The following MTRR variants were observed in gnomAD, a reference collection of about 807,000 sequenced individuals.
MTRR encodes the protein 5-methyltetrahydrofolate-homocysteine methyltransferase reductase.
MTRR carries 63 observed loss-of-function variants against 79.2 expected under a neutral mutation model. That is an observed-to-expected ratio of 0.80 (90% CI 0.65 to 0.98). The LOEUF (loss-of-function observed/expected upper bound fraction) is 0.98, where lower values mean the gene tolerates loss of function less well. Among genes scored for constraint, MTRR ranks in the 50% least tolerant of loss-of-function variants. The pLI, the probability that MTRR is intolerant of heterozygous loss-of-function variation, is 0.00. For synonymous variants in MTRR, 355 were observed against 313.3 expected (o/e 1.13, Z -1.41); for missense variants, 895 against 839.6 (o/e 1.07, Z -0.82).
At chr5:7,853,796 C>T (rs1047924188) in intron 1 of MTRR, among the ~76,000 whole-genome samples, 13 of 152,192 alleles carry the variant, frequency 8.5e-5, no homozygotes, top group African/African-American at 3.1e-4. Flanking sequence ...CCCAGGGCCT[C>T]ACAGTCTCCC....
At chr5:7,872,293 T>A (rs776043341) in intron 2 of MTRR, 31 of 443,158 alleles carry the variant, frequency 7.0e-5, no homozygotes, top group Non-Finnish European at 1.3e-4. Flanking sequence ...GTAAAGCTTG[T>A]GGAGTCTTAC....
chr5:7,899,520 G>C (rs1201587577), intron 14 of MTRR, among the ~76,000 whole-genome samples: 3 of 152,212 alleles, frequency 2.0e-5, no homozygotes, highest in Admixed American at 1.3e-4. Flanking sequence ...AAGTGTGCGA[G>C]AGATCTGGTT....
chr5:7,878,856 C>G (rs1027004310), intron 5 of MTRR, among the ~76,000 whole-genome samples: 2 of 152,328 alleles, frequency 1.3e-5, no homozygotes, highest in Non-Finnish European at 2.9e-5. Flanking sequence ...AGCAGGCAGT[C>G]TTTGAATGCA....
chr5:7,895,995 A>G (rs1489659783), intron 12 of MTRR, 143 bp downstream of exon 12: 12 of 1,103,290 alleles, frequency 1.1e-5, no homozygotes, highest in Non-Finnish European at 1.4e-5. Flanking sequence ...ATTTGTCACC[A>G]TGGGAAAAGT....
intron 1 of MTRR, chr5:7,861,280 G>GAA: frequency 7.3e-7 from 1 of 1,364,086 alleles, no homozygotes; most frequent in Non-Finnish European, 1.0e-6. Flanking sequence ...AATAAAAAAG[G>GAA]AGAAAAATAC....
At chr5:7,895,710 A>G (rs371423211) in intron 11 of MTRR, 24 bp from the exon 12 acceptor site, 4 of 1,613,564 alleles carry the variant, frequency 2.5e-6, no homozygotes, top group Non-Finnish European at 3.4e-6. Flanking sequence ...TTTCATACTT[A>G]CCACATTTGA....
chr5:7,874,348 A>G (rs1748493034), intron 3 of MTRR, among the ~76,000 whole-genome samples: 1 of 152,188 alleles, frequency 6.6e-6, no homozygotes, highest in Admixed American at 6.5e-5. Flanking sequence ...ATGATCTGTC[A>G]TATATAACAT....
chr5:7,860,589 C>T (rs1159183346), intron 1 of MTRR, among the ~76,000 whole-genome samples: 1 of 152,066 alleles, frequency 6.6e-6, no homozygotes, highest in Non-Finnish European at 1.5e-5. Flanking sequence ...AGATTTAAGC[C>T]GAATTAACAA....
chr5:7,870,355 G>A, intron 1 of MTRR: 1 of 245,258 alleles, frequency 4.1e-6, no homozygotes, highest in South Asian at 5.3e-5. Context: ...ATTTAAGACT[G>A]TTGTGAATGA....
chr5:7,854,496 G>T (rs146765169), intron 1 of MTRR, among the ~76,000 whole-genome samples: 114 of 152,264 alleles, frequency 7.5e-4, no homozygotes, highest in African/African-American at 2.5e-3. Context: ...ATTGGACTTA[G>T]AGTTCCACAT....
At chr5:7,898,433 A>G (rs1738896866) in intron 14 of MTRR, among the ~76,000 whole-genome samples, 1 of 26,164 alleles carries the variant, frequency 3.8e-5, no homozygotes, top group Non-Finnish European at 6.9e-5. Context: ...CTGGTGCTTT[A>G]CTTTGTCACA....
At chr5:7,869,349 G>T in intron 1 of MTRR, 134 bp downstream of exon 1, 1 of 965,388 alleles carries the variant, frequency 1.0e-6, no homozygotes, top group Non-Finnish European at 1.6e-6. Context: ...GCCTCCGGGG[G>T]TCGCCGCGGG....
Position 7,889,256 on chromosome 5 carries a change from A to AC in MTRR, c.1310dup (p.Leu438ThrfsTer10). On this transcript the variant is annotated frameshift_variant, in exon 9 of 15. Coordinates refer to ENST00000440940, the MANE Select transcript of MTRR (RefSeq NM_002454.3). LOFTEE classifies it high-confidence loss of function. The stretch of plus-strand genomic sequence containing the variant: ...TCCTCGCTTTCCCTTCTTGCCAGCC[A>AC]CCACTCAGTCTCCTGCTCGGTGAGT... 6.2e-7 allele frequency: 1 copy of AC among 1,612,798 alleles called. No individual in the cohort carries two copies. Among genetic ancestry groups the AC allele is most frequent in the Non-Finnish European group, 8.5e-7 (1 of 1,180,012 alleles).
rs775031794 is a variant in MTRR at position 7,899,982 on chromosome 5, T to G, written c.2021T>G (p.Val674Gly). 1.2e-5 allele frequency: 20 copies of G among 1,613,618 alleles called. No individual in the cohort carries two copies. The highest frequency in any genetic ancestry group is 3.3e-5 in the Admixed American group (2 of 59,960). The change falls in exon 15 of 15, where the codon GTT (valine) becomes GGT (glycine). Residue 674 changes from valine to glycine, a missense_variant. Physicochemically the swap from Val to Gly is moderately radical, Grantham distance 109. Coordinates refer to ENST00000440940, the MANE Select transcript of MTRR (RefSeq NM_002454.3). Reference protein sequence around the residue: ...LVQIISKEVGVEKLEAMKTLA... With the variant: ...LVQIISKEVGGEKLEAMKTLA... The stretch of plus-strand genomic sequence containing the variant: ...CAAATAATAAGCAAAGAGGTTGGAG[T>G]TGAAAAACTAGAAGCAATGAAAACC...
In MTRR at chr5:7,878,183, G is replaced by A. The variant is rs753545582; in HGVS notation, c.641G>A (p.Ser214Asn). 47 of 1,614,166 alleles carry A rather than the reference G, an allele frequency of 2.9e-5. 1 individual carries two copies. In the South Asian group the frequency reaches 4.9e-4, roughly 17 times the overall value. ...SEVLKQNAVN[S>N]NQSNVVIEDF... ...GTTTTGAAGCAAAATGCAGTGAACA[G>A]CAACCAATCCAATGTTGTAATTGAA... Residue 214 changes from serine (S) to asparagine (N), a missense_variant, in exon 5 of 15, where the codon AGC becomes AAC. Coordinates refer to ENST00000440940, the MANE Select transcript of MTRR (RefSeq NM_002454.3).
chr5:7,894,545 A>G (rs1738177255), intron 11 of MTRR, among the ~76,000 whole-genome samples: 2 of 152,198 alleles, frequency 1.3e-5, no homozygotes, highest in South Asian at 4.1e-4. Flanking sequence ...GGATCTTTGT[A>G]CATGTGTTTT....
At position 7,873,403 on chromosome 5, in the gene MTRR, G is replaced by A. The variant is rs557317536; in HGVS notation, c.160G>A (p.Val54Ile). 3 of 1,613,936 alleles carry A rather than the reference G, an allele frequency of 1.9e-6. No individual in the cohort carries two copies. The highest frequency in any genetic ancestry group is 2.5e-6 in the Non-Finnish European group (3 of 1,179,836). The change falls in exon 3 of 15, where the codon GTT (valine) becomes ATT (isoleucine). Residue 54 changes from valine (V) to isoleucine (I), a missense_variant. Val to Ile is a conservative substitution (Grantham distance 29). Coordinates refer to ENST00000440940, the MANE Select transcript of MTRR (RefSeq NM_002454.3). Reference protein sequence around the residue: ...YDLKTETAPLVVVVSTTGTGD... With the variant: ...YDLKTETAPLIVVVSTTGTGD... ...CCTAAAAACCGAAACAGCTCCTCTT[G>A]TTGTTGTGGTTTCTACCACGGGCAC...
At chr5:7,861,522 T>C in intron 1 of MTRR, 1 of 1,199,490 alleles carries the variant, frequency 8.3e-7, no homozygotes, top group South Asian at 2.3e-5. Context: ...GAGAAAAAGA[T>C]ACCGCTGCTT....
intron 1 of MTRR, chr5:7,861,193 T>C (rs1579532064): frequency 6.2e-7 from 1 of 1,612,798 alleles, no homozygotes; most frequent in Non-Finnish European, 8.5e-7. Flanking sequence ...CTTTGTTTAA[T>C]AGCTTCTTTC....
Sources: allele counts gnomAD v4.1 joint callset (sites outside exome capture counted in the v4.1 genomes callset), GRCh38; gene constraint gnomAD v4.1.1; transcripts MANE v1.5; gene names NCBI Gene and HGNC (gene_info 2026-07-23, HGNC 2026-07-21).